Variants in INKA2 observed in about 807,000 individuals in gnomAD.
The protein encoded by INKA2 is PAK4-inhibitor INKA2.
In INKA2, 3 loss-of-function variants were observed where a neutral mutation model predicts 9.8. The ratio of observed to expected loss-of-function variants is 0.31; its 90% CI spans 0.14 to 0.79. The LOEUF is 0.79. Ranked by LOEUF, INKA2 falls within the 30% of genes least tolerant of loss-of-function variation. The probability of loss-of-function intolerance (pLI) is 0.62; values close to 1 mark genes in which losing one functional copy is unlikely to be tolerated. For missense variants in INKA2, 392 were observed against 384.4 expected, an observed-to-expected ratio of 1.02 and a Z score of -0.17; for synonymous variants, 147 against 143.3, an observed-to-expected ratio of 1.03 and a Z score of -0.18.
Position 111,732,568 on chromosome 1 carries a change from T to TACACACACAC in INKA2, c.58-4774_58-4765dup, listed in dbSNP as rs3085876. Among the ~76,000 whole-genome samples the TACACACACAC allele has an allele frequency of 7.9e-3, 1,132 of 142,934 alleles. 7 individuals carry two copies. Among genetic ancestry groups the TACACACACAC allele is most frequent in the African/African-American group, 0.023 (906 of 38,854 alleles). 93.8% of individuals were successfully genotyped at this position (142,934 alleles called of 152,430 possible). A position where few individuals can be genotyped will look rare whatever the true frequency, so the allele number is the denominator to read the frequency against. ...ACCCACTCCTAGTCTCTCTCTCTGTTACACACACACACACACACACACACA... is the reference window on the plus strand; with the variant it reads ...ACCCACTCCTAGTCTCTCTCTCTGTTACACACACACACACACACACACACACACACACACA... On this transcript the variant is annotated intron_variant, in intron 1 of 1. Transcript: ENST00000357260.
chr1:111,737,479 G>C (rs1039999035), intron 1 of INKA2, among the ~76,000 whole-genome samples: 9 of 152,058 alleles, frequency 5.9e-5, no homozygotes, highest in African/African-American at 1.9e-4. Context: ...TCCCCAATTC[G>C]AAGCACAAAA....
chr1:111,744,785 T>C (rs1193071387), intron 1 of INKA2, among the ~76,000 whole-genome samples: 1 of 152,110 alleles, frequency 6.6e-6, no homozygotes, highest in Non-Finnish European at 1.5e-5. Flanking sequence ...TTTCACCATA[T>C]TGGCCAGACT....
At chr1:111,750,355 C>T (rs1396879107) in intron 1 of INKA2, among the ~76,000 whole-genome samples, 7 of 152,180 alleles carry the variant, frequency 4.6e-5, no homozygotes, top group Admixed American at 2.0e-4. Context: ...GTATTTTCCA[C>T]GTTGGGAGGT....
intron 1 of INKA2, among the ~76,000 whole-genome samples, chr1:111,733,096 T>C (rs912583974): frequency 6.6e-6 from 1 of 152,138 alleles, no homozygotes; most frequent in African/African-American, 2.4e-5. Context: ...GGGAGGTCCA[T>C]CTTCTCCCTC....
At chr1:111,745,709 A>T (rs1663261278) in intron 1 of INKA2, 1 of 152,196 alleles carries the variant, frequency 6.6e-6, no homozygotes, top group African/African-American at 2.4e-5. Flanking sequence ...TGCAAACTGT[A>T]CCAGGAAAGA....
intron 1 of INKA2, among the ~76,000 whole-genome samples, chr1:111,736,447 G>C (rs1411590650): frequency 6.6e-6 from 1 of 152,210 alleles, no homozygotes; most frequent in Non-Finnish European, 1.5e-5. Flanking sequence ...CCAAGGACAG[G>C]GGTAGGATGC....
intron 1 of INKA2, chr1:111,755,627 G>C: frequency 6.3e-7 from 1 of 1,595,694 alleles, no homozygotes; most frequent in Non-Finnish European, 8.6e-7. Flanking sequence ...CCGCCCAGAA[G>C]AGGGCCGAGA....
At chr1:111,728,019 A>G (rs180903008) in intron 1 of INKA2, among the ~76,000 whole-genome samples, 13 of 134,892 alleles carry the variant, frequency 9.6e-5, no homozygotes, top group Non-Finnish European at 1.4e-4. Flanking sequence ...CACTGTCCTG[A>G]GAAGGCTCCC....
rs181761092 is a variant in INKA2 at position 111,734,217 on chromosome 1, A to G, written c.57+4969T>C. On this transcript the variant is annotated intron_variant, in intron 1 of 1. Transcript: ENST00000357260. ...ATGGGCCCGCTTTCCCAACACAACCATCTATGGGGGTCTGCTTAGGCAAGG... is the reference window on the plus strand; with the variant it reads ...ATGGGCCCGCTTTCCCAACACAACCGTCTATGGGGGTCTGCTTAGGCAAGG... 5.3e-5 allele frequency among the ~76,000 whole-genome samples: 8 copies of G among 151,916 alleles called. No homozygotes were observed. In the East Asian group the frequency reaches 9.7e-4, roughly 18 times the overall value.
chr1:111,741,327 C>T (rs1355282264), upstream of INKA2, among the ~76,000 whole-genome samples: 2 of 152,194 alleles, frequency 1.3e-5, no homozygotes, highest in African/African-American at 2.4e-5. Context: ...TGAACTTGGT[C>T]GGTGACCGCT....
chr1:111,743,062 A>G (rs1663182507), upstream of INKA2, among the ~76,000 whole-genome samples: 1 of 152,122 alleles, frequency 6.6e-6, no homozygotes, highest in South Asian at 2.1e-4. Context: ...TTAAGTGATG[A>G]GAATAAAGCC....
rs370244042 is a variant in INKA2, at chr1:111,755,596, C to A, written n.124+105G>T. Reference sequence around the variant, plus strand: ...AAGAACGGCGAGAGGGCGGTGGCGCCGGGGGCACGGCTGGGCGGCTCCGCC... The same window carrying A: ...AAGAACGGCGAGAGGGCGGTGGCGCAGGGGGCACGGCTGGGCGGCTCCGCC... On this transcript the variant is annotated intron_variant and non_coding_transcript_variant, in intron 1 of 1. Transcript: ENST00000444059. 112 of 1,358,066 alleles carry A rather than the reference C, an allele frequency of 8.2e-5. No individual in the cohort carries two copies. The East Asian group carries it at 2.3e-3, about 27-fold the overall frequency. The allele number at this position is 1,358,066 out of a possible 1,614,324, so 84.1% of individuals were successfully genotyped here.
exon 1 of INKA2, chr1:111,755,783 C>G (rs1663529404): frequency 6.8e-6 from 11 of 1,611,456 alleles, no homozygotes; most frequent in African/African-American, 1.3e-5. Context: ...CTCTCAGCCT[C>G]CGACTCCCGT....
chr1:111,730,405 G>A (rs1419956589), intron 1 of INKA2, among the ~76,000 whole-genome samples: 2 of 151,808 alleles, frequency 1.3e-5, no homozygotes, highest in Non-Finnish European at 2.9e-5. Context: ...CACAAATGTC[G>A]CATATCTTTC....
intron 1 of INKA2, among the ~76,000 whole-genome samples, chr1:111,747,970 C>T (rs1303073344): frequency 3.3e-5 from 5 of 152,248 alleles, no homozygotes; most frequent in Admixed American, 6.5e-5. Context: ...TCTACTATTG[C>T]TGTTTCTGGT....
chr1:111,736,120 T>C (rs547768329), intron 1 of INKA2, among the ~76,000 whole-genome samples: 1 of 152,296 alleles, frequency 6.6e-6, no homozygotes, highest in South Asian at 2.1e-4. Context: ...AGGGCCCCTC[T>C]TTGGCGGCTG....
Position 111,723,127 on chromosome 1 carries a change from C to T in INKA2, c.*3841G>A. ...TTAACTGCACCGGATGGGGAAGGCA[C>T]CTGAGGTGGGTTCTGGCTGCTCTGG... On this transcript the variant is annotated 3_prime_UTR_variant, in exon 2 of 2. Coordinates refer to ENST00000357260, the MANE Select transcript of INKA2 (RefSeq NM_019099.5). 1.4e-6 allele frequency: 1 copy of T among 699,088 alleles called. No homozygotes were observed. Among genetic ancestry groups the T allele is most frequent in the South Asian group, 1.5e-5 (1 of 67,254 alleles). The allele number at this position is 699,088 out of a possible 1,614,324, so 43.3% of individuals were successfully genotyped here. A position where few individuals can be genotyped will look rare whatever the true frequency, so the allele number is the denominator to read the frequency against.
chr1:111,736,293 A>G (rs1265291679), intron 1 of INKA2, among the ~76,000 whole-genome samples: 2 of 152,088 alleles, frequency 1.3e-5, no homozygotes, highest in Non-Finnish European at 2.9e-5. Flanking sequence ...CTCTCTACTT[A>G]TCAACTAATT....
In INKA2 at chr1:111,727,492, G is replaced by A; in HGVS notation, c.370C>T (p.Pro124Ser). ...CCCTGCTGAGCACAGCTTTGATGTG[G>A]CTGTGTCCTGGGCAAGGGGGCTAAA... ...RDLAPLPRTQ[P>S]HQSCAQQGPE... The change falls in exon 2 of 2, where the codon CCA becomes TCA. Residue 124 changes from proline to serine, a missense_variant. Physicochemically the swap from Pro to Ser is moderately conservative, Grantham distance 74. Coordinates refer to ENST00000357260, the MANE Select transcript of INKA2 (RefSeq NM_019099.5). The A allele has an allele frequency of 6.2e-7, 1 of 1,614,246 alleles. No homozygotes were observed. Among genetic ancestry groups the A allele is most frequent in the Non-Finnish European group, 8.5e-7 (1 of 1,180,052 alleles).
Sources: allele counts gnomAD v4.1 joint callset (sites outside exome capture counted in the v4.1 genomes callset), GRCh38; gene constraint gnomAD v4.1.1; transcripts MANE v1.5; gene names NCBI Gene and HGNC (gene_info 2026-07-23, HGNC 2026-07-21).